LRRC4C: variants seen among roughly 807,000 people sequenced by gnomAD.
LRRC4C encodes leucine-rich repeat-containing protein 4C.
In LRRC4C, 5 loss-of-function variants were observed where a neutral mutation model predicts 33.6. The observed-to-expected ratio is 0.15, with a 90% CI of 0.08 to 0.31. LRRC4C has a LOEUF of 0.31. LRRC4C is among the 10% of genes least tolerant of loss of function. LRRC4C has a pLI of 1.00. For missense variants in LRRC4C, 560 were observed against 796.7 expected (o/e 0.70, Z 3.58); for synonymous variants, 329 against 302.0 (o/e 1.09, Z -0.93).
At chr11:40,648,561 A>G (rs543631546) in intron 2 of LRRC4C, among the ~76,000 whole-genome samples, 42 of 152,236 alleles carry the variant, frequency 2.8e-4, no homozygotes, top group Non-Finnish European at 5.6e-4. Flanking sequence ...GAGACTCAAT[A>G]TAATAGTTTT....
At chr11:41,184,715 G>A (rs577605202) in intron 1 of LRRC4C, among the ~76,000 whole-genome samples, 10 of 151,670 alleles carry the variant, frequency 6.6e-5, no homozygotes, top group South Asian at 2.1e-4. Context: ...CCACATTTTC[G>A]GGTATCTTTT....
intron 2 of LRRC4C, among the ~76,000 whole-genome samples, chr11:40,668,206 C>T (rs1943917084): frequency 6.6e-6 from 1 of 152,104 alleles, no homozygotes; most frequent in South Asian, 2.1e-4. Flanking sequence ...CATTGGCATC[C>T]AAAGTTTAGT....
chr11:40,161,662 G>A (rs1859165926), intron 5 of LRRC4C, among the ~76,000 whole-genome samples: 1 of 152,132 alleles, frequency 6.6e-6, no homozygotes, highest in Admixed American at 6.5e-5. Flanking sequence ...GGCTAGGGCA[G>A]GAGAATTGCT....
At chr11:40,366,621 T>C (rs1351727365) in intron 3 of LRRC4C, among the ~76,000 whole-genome samples, 1 of 152,096 alleles carries the variant, frequency 6.6e-6, no homozygotes, top group Non-Finnish European at 1.5e-5. Context: ...GCAATTTGTG[T>C]GTATTCTCAT....
intron 3 of LRRC4C, among the ~76,000 whole-genome samples, chr11:40,602,933 C>T (rs182515821): frequency 1.3e-5 from 2 of 152,260 alleles, no homozygotes; most frequent in East Asian, 3.9e-4. Flanking sequence ...CACCCCTTCA[C>T]ACCGTGACTT....
intron 2 of LRRC4C, among the ~76,000 whole-genome samples, chr11:40,720,808 A>G (rs879279870): frequency 3.9e-5 from 6 of 152,230 alleles, no homozygotes; most frequent in African/African-American, 7.2e-5. Flanking sequence ...GGTGATTTAT[A>G]GTATGATGTA....
At chr11:40,428,208 T>C (rs946449603) in intron 3 of LRRC4C, among the ~76,000 whole-genome samples, 10 of 152,194 alleles carry the variant, frequency 6.6e-5, no homozygotes, top group Non-Finnish European at 1.2e-4. Context: ...TCAAAGGATG[T>C]TAATTGTCAG....
rs547590987 is a variant in LRRC4C, at chr11:40,143,996, G to A, written c.-95-3143C>T. 5.3e-5 allele frequency among the ~76,000 whole-genome samples: 8 copies of A among 152,276 alleles called. No homozygotes were observed. The South Asian group carries it at 1.2e-3, about 24-fold the overall frequency. On this transcript the variant is annotated intron_variant, in intron 5 of 6. Coordinates refer to ENST00000528697, the MANE Select transcript of LRRC4C (RefSeq NM_001258419.2). The stretch of plus-strand genomic sequence containing the variant: ...AGAGAATAAACATGGGGGTGGTAAC[G>A]ATAGCTAGATCAGAGCTGTAAAAGG...
intron 1 of LRRC4C, among the ~76,000 whole-genome samples, chr11:40,942,599 A>G (rs61886658): frequency 0.083 from 12,608 of 152,194 alleles, 704 homozygotes; most frequent in African/African-American, 0.15. Context: ...GCAGCACACC[A>G]GAGAGGGAGG....
At chr11:40,161,495 T>C (rs1388758581) in intron 5 of LRRC4C, among the ~76,000 whole-genome samples, 1 of 152,228 alleles carries the variant, frequency 6.6e-6, no homozygotes, top group African/African-American at 2.4e-5. Context: ...CGCTCATGCC[T>C]GTGATCCTAG....
chr11:41,398,115 C>T (rs370037394), intron 1 of LRRC4C, among the ~76,000 whole-genome samples: 1 of 151,844 alleles, frequency 6.6e-6, no homozygotes, highest in African/African-American at 2.4e-5. Flanking sequence ...AATACAAGAC[C>T]TTGGGAATTA....
chr11:40,489,913 G>A (rs1369970656), intron 3 of LRRC4C, among the ~76,000 whole-genome samples: 1 of 152,074 alleles, frequency 6.6e-6, no homozygotes, highest in Non-Finnish European at 1.5e-5. Context: ...AGCACTCACT[G>A]TGTGTCTGGA....
chr11:40,669,089 T>C (rs924016), intron 2 of LRRC4C, among the ~76,000 whole-genome samples: 95,060 of 151,976 alleles, frequency 0.63, 29,874 homozygotes, highest in East Asian at 0.71. Context: ...GGAGTCAAAC[T>C]ACTTTCTTGG....
intron 2 of LRRC4C, among the ~76,000 whole-genome samples, chr11:40,816,101 G>T (rs774031741): frequency 2.6e-5 from 4 of 152,150 alleles, no homozygotes; most frequent in Non-Finnish European, 5.9e-5. Flanking sequence ...ACCTGGTAAA[G>T]GAGTAAGTAA....
chr11:40,874,552 A>C (rs1362814575), intron 2 of LRRC4C, among the ~76,000 whole-genome samples: 1 of 151,994 alleles, frequency 6.6e-6, no homozygotes, highest in East Asian at 1.9e-4. Context: ...TCTTCACATC[A>C]CTTTTTTTCC....
intron 1 of LRRC4C, among the ~76,000 whole-genome samples, chr11:41,291,186 G>T (rs1284078718): frequency 6.6e-6 from 1 of 152,028 alleles, no homozygotes; most frequent in African/African-American, 2.4e-5. Flanking sequence ...TTCAAACTTT[G>T]CAATGAAATT....
intron 1 of LRRC4C, among the ~76,000 whole-genome samples, chr11:41,235,966 AT>A (rs1948004213): frequency 6.6e-6 from 1 of 152,052 alleles, no homozygotes; most frequent in African/African-American, 2.4e-5. Context: ...TGGTGTGCCA[AT>A]GGGCCCAGCT....
At chr11:40,302,485 C>T (rs547336077) in intron 4 of LRRC4C, among the ~76,000 whole-genome samples, 2 of 152,096 alleles carry the variant, frequency 1.3e-5, no homozygotes, top group Admixed American at 6.5e-5. Context: ...GGTAAAATTA[C>T]GATTATCAGA....
chr11:40,384,200 A>G (rs1363354275), intron 3 of LRRC4C, among the ~76,000 whole-genome samples: 2 of 152,048 alleles, frequency 1.3e-5, no homozygotes, highest in Non-Finnish European at 2.9e-5. Context: ...TCACAGGGGA[A>G]TACCCTAAGA....
Sources: gnomAD v4.1 joint callset for allele counts (sites outside exome capture counted in the v4.1 genomes callset) on GRCh38, gnomAD v4.1.1 for gene constraint, MANE v1.5 for transcripts, NCBI Gene and HGNC (gene_info 2026-07-23, HGNC 2026-07-21) for gene names.